The following CDCA7L variants were observed in gnomAD, a reference collection of about 807,000 sequenced individuals.
CDCA7L encodes cell division cycle associated 7 like.
Under a neutral mutation model 57.4 loss-of-function variants are expected in CDCA7L, and 44 were observed. That is an observed-to-expected ratio of 0.77 (90% CI 0.60 to 0.98). The LOEUF (loss-of-function observed/expected upper bound fraction) is 0.98, where lower values mean the gene tolerates loss of function less well. CDCA7L is among the 50% of genes least tolerant of loss of function. The pLI is 0.00. For synonymous variants in CDCA7L, 236 were observed against 202.8 expected (o/e 1.16, Z -1.39); for missense variants, 644 against 580.6 (o/e 1.11, Z -1.12).
chr7:21,909,636 A>G (rs765783931), intron 3 of CDCA7L, among the ~76,000 whole-genome samples: 11 of 152,182 alleles, frequency 7.2e-5, no homozygotes, highest in Admixed American at 3.3e-4. Flanking sequence ...AACTTCCCAT[A>G]TTAATAGCTT....
intron 2 of CDCA7L, among the ~76,000 whole-genome samples, chr7:21,915,556 C>T (rs572864128): frequency 4.7e-5 from 7 of 148,788 alleles, no homozygotes; most frequent in South Asian, 2.2e-4. Flanking sequence ...CCAGCACTTT[C>T]GGAGGCCAAG....
intron 1 of CDCA7L, among the ~76,000 whole-genome samples, chr7:21,931,829 G>C (rs992960805): frequency 1.3e-5 from 2 of 152,184 alleles, no homozygotes; most frequent in Admixed American, 1.3e-4. Context: ...GCAAGAGAAA[G>C]AAATAAAAAG....
At chr7:21,938,376 T>A (rs1443566126) in intron 1 of CDCA7L, among the ~76,000 whole-genome samples, 2 of 151,862 alleles carry the variant, frequency 1.3e-5, no homozygotes, top group Admixed American at 1.3e-4. Context: ...AGAATGGCCA[T>A]TAAAAAAAAA....
At chr7:21,918,057 C>CT (rs1442367317) in intron 1 of CDCA7L, among the ~76,000 whole-genome samples, 1 of 135,062 alleles carries the variant, frequency 7.4e-6, no homozygotes, top group Non-Finnish European at 1.6e-5. Flanking sequence ...CTGAGCTTAT[C>CT]TGAGTGTTTC....
At chr7:21,929,502 C>G (rs1187267043) in intron 1 of CDCA7L, among the ~76,000 whole-genome samples, 2 of 151,978 alleles carry the variant, frequency 1.3e-5, no homozygotes, top group Admixed American at 1.3e-4. Flanking sequence ...TTAAAAGACA[C>G]AGACCGGCAA....
intron 1 of CDCA7L, among the ~76,000 whole-genome samples, chr7:21,925,855 A>G (rs928896554): frequency 2.6e-5 from 4 of 152,186 alleles, no homozygotes; most frequent in Non-Finnish European, 4.4e-5. Context: ...CCACTGTAAC[A>G]GAGGAAGACC....
chr7:21,932,740 G>A (rs1024966201), intron 1 of CDCA7L, among the ~76,000 whole-genome samples: 1 of 152,048 alleles, frequency 6.6e-6, no homozygotes, highest in Non-Finnish European at 1.5e-5. Flanking sequence ...ACATAGGCAG[G>A]GGCAAGGACT....
chr7:21,932,455 T>C (rs534950074), intron 1 of CDCA7L, among the ~76,000 whole-genome samples: 1 of 152,058 alleles, frequency 6.6e-6, no homozygotes. Context: ...AAAACAGATA[T>C]ACAGACCAAT....
Position 21,901,180 on chromosome 7 carries a change from A to ACCTTCAGGCTGAAGAGCGAAG in CDCA7L, c.*1121_*1141dup. The ACCTTCAGGCTGAAGAGCGAAG allele has an allele frequency of 6.2e-7, 1 of 1,613,988 alleles. No homozygotes were observed. The highest frequency in any genetic ancestry group is 8.5e-7 in the Non-Finnish European group (1 of 1,179,862). Reference sequence around the variant, plus strand: ...ACTGAGAGGCCCCAGCTACATCTGGACCTTCAGGCTGAAGAGCGAAGAGAA... The same window carrying ACCTTCAGGCTGAAGAGCGAAG: ...ACTGAGAGGCCCCAGCTACATCTGGACCTTCAGGCTGAAGAGCGAAGCCTTCAGGCTGAAGAGCGAAGAGAA... On this transcript the variant is annotated 3_prime_UTR_variant, in exon 10 of 10. Coordinates refer to ENST00000406877, the MANE Select transcript of CDCA7L (RefSeq NM_018719.5).
intron 9 of CDCA7L, chr7:21,902,568 T>G: frequency 1.7e-6 from 1 of 589,920 alleles, no homozygotes; most frequent in South Asian, 2.1e-5. Flanking sequence ...AGAACCACGA[T>G]TCAGAGTTTA....
chr7:21,922,536 A>C (rs749769766), intron 1 of CDCA7L, among the ~76,000 whole-genome samples: 4 of 152,148 alleles, frequency 2.6e-5, no homozygotes, highest in Non-Finnish European at 5.9e-5. Flanking sequence ...ACTGGATCTC[A>C]AACTTGTTCA....
rs1037248141 is a variant in CDCA7L, at chr7:21,907,467, T to C, written c.681+663A>G. Among the ~76,000 whole-genome samples the C allele has an allele frequency of 2.0e-5, 3 of 152,030 alleles. No homozygotes were observed. The South Asian group carries it at 6.2e-4, about 32-fold the overall frequency. On this transcript the variant is annotated intron_variant, in intron 4 of 9. Transcript: ENST00000406877. ...TAAAAGGGATAAGTGGTAGAACTAT[T>C]TAAAAAAAAACTGTAGATAAACAAT...
chr7:21,923,748 T>C lies in CDCA7L; in HGVS notation c.25-6854A>G, dbSNP rs112791436. Among the ~76,000 whole-genome samples, 499 of 152,336 alleles carry C rather than the reference T, an allele frequency of 3.3e-3. 4 individuals carry two copies. The highest frequency in any genetic ancestry group is 0.011 in the African/African-American group (441 of 41,568). On this transcript the variant is annotated intron_variant, in intron 1 of 9. Transcript: ENST00000406877. ...TATCTGAGCCTGTAAGCCCATTAGT[T>C]AACTGATAGTCTGGAGGACAAAGCT... is the stretch of plus-strand genomic sequence containing the variant.
chr7:21,926,395 T>C (rs1785827746), intron 1 of CDCA7L, among the ~76,000 whole-genome samples: 1 of 152,140 alleles, frequency 6.6e-6, no homozygotes, highest in African/African-American at 2.4e-5. Flanking sequence ...AAATCATGTA[T>C]CTAATAAGGA....
At chr7:21,916,289 G>A (rs149825458) in intron 2 of CDCA7L, among the ~76,000 whole-genome samples, 1 of 152,192 alleles carries the variant, frequency 6.6e-6, no homozygotes, top group East Asian at 1.9e-4. Flanking sequence ...AGAGATCAAA[G>A]TAATTAACGC....
chr7:21,928,199 T>A (rs2128066267), intron 1 of CDCA7L, among the ~76,000 whole-genome samples: 1 of 152,264 alleles, frequency 6.6e-6, no homozygotes, highest in East Asian at 1.9e-4. Flanking sequence ...CCAGCAGACC[T>A]GCAGCAGAGG....
Position 21,908,185 on chromosome 7 carries a change from T to C in CDCA7L, c.626A>G (p.Glu209Gly). ...CCTTTTCAGCAAAGCATCTGAACTCTCCTGGCTCTCATCCCGAGAGTCATC... is the reference window on the plus strand; with the variant it reads ...CCTTTTCAGCAAAGCATCTGAACTCCCCTGGCTCTCATCCCGAGAGTCATC... Reference protein sequence around the residue: ...SEDDSRDESQESSDALLKRTM... With the variant: ...SEDDSRDESQGSSDALLKRTM... The change falls in exon 4 of 10, where the codon GAG becomes GGG. Residue 209 changes from glutamate to glycine, a missense_variant. Transcript: ENST00000406877. The C allele has an allele frequency of 6.2e-7, 1 of 1,606,278 alleles. No homozygotes were observed. Among genetic ancestry groups the C allele is most frequent in the Non-Finnish European group, 8.5e-7 (1 of 1,178,204 alleles).
At chr7:21,935,655 A>G (rs1416916391) in intron 1 of CDCA7L, among the ~76,000 whole-genome samples, 1 of 152,240 alleles carries the variant, frequency 6.6e-6, no homozygotes, top group Non-Finnish European at 1.5e-5. Flanking sequence ...AAATATACAG[A>G]GAAAACTCAA....
chr7:21,924,870 GA>G (rs1327210718), intron 1 of CDCA7L, among the ~76,000 whole-genome samples: 1 of 152,056 alleles, frequency 6.6e-6, no homozygotes, highest in African/African-American at 2.4e-5. Flanking sequence ...AAAATATAAA[GA>G]ATTCTCATAA....
Sources: gnomAD v4.1 joint callset for allele counts (sites outside exome capture counted in the v4.1 genomes callset) on GRCh38, gnomAD v4.1.1 for gene constraint, MANE v1.5 for transcripts, NCBI Gene and HGNC (gene_info 2026-07-23, HGNC 2026-07-21) for gene names.